Variants in MAP3K13 observed in about 807,000 individuals in gnomAD.
The protein encoded by MAP3K13 is leucine zipper-bearing kinase.
In MAP3K13, 52 loss-of-function variants were observed where a neutral mutation model predicts 104.0. That is an observed-to-expected ratio of 0.50 (90% CI 0.40 to 0.63). The LOEUF (loss-of-function observed/expected upper bound fraction) is 0.63. MAP3K13 is among the 20% of genes least tolerant of loss of function. The pLI, the probability that MAP3K13 is intolerant of heterozygous loss-of-function variation, is 0.00. For missense variants in MAP3K13, 914 were observed against 1,218.5 expected (o/e 0.75, Z 3.72); for synonymous variants, 394 against 442.2 (o/e 0.89, Z 1.37).
At chr3:185,302,818 C>A (rs1214507258) in intron 2 of MAP3K13, among the ~76,000 whole-genome samples, 2 of 152,060 alleles carry the variant, frequency 1.3e-5, no homozygotes, top group Non-Finnish European at 2.9e-5. Context: ...AATTTACATG[C>A]CTTTTATTTC....
At chr3:185,357,447 TA>T (rs71162295) in intron 2 of MAP3K13, among the ~76,000 whole-genome samples, 61,131 of 91,438 alleles carry the variant, frequency 0.67, 19,235 homozygotes, top group Middle Eastern at 0.8. Flanking sequence ...AAACTCCATC[TA>T]AAAAAAAAAA....
chr3:185,350,279 G>A (rs1029924035), intron 2 of MAP3K13, among the ~76,000 whole-genome samples: 1 of 152,152 alleles, frequency 6.6e-6, no homozygotes, highest in Non-Finnish European at 1.5e-5. Flanking sequence ...TCCGCCTCCC[G>A]GGTTCAAGCG....
intron 2 of MAP3K13, chr3:185,292,611 A>T: frequency 1.0e-6 from 1 of 973,762 alleles, no homozygotes; most frequent in East Asian, 1.1e-4. Flanking sequence ...TATAAAATGT[A>T]TAATACAGAC....
At chr3:185,320,581 T>C (rs1039453044) in intron 2 of MAP3K13, among the ~76,000 whole-genome samples, 1 of 152,154 alleles carries the variant, frequency 6.6e-6, no homozygotes, top group Non-Finnish European at 1.5e-5. Flanking sequence ...CTGACATAGG[T>C]TTCCCATGGC....
chr3:185,351,475 G>A (rs572147883), intron 2 of MAP3K13, among the ~76,000 whole-genome samples: 15 of 152,274 alleles, frequency 9.9e-5, no homozygotes, highest in African/African-American at 3.1e-4. Flanking sequence ...GGCAGTGTTA[G>A]TGGTCACTGT....
At chr3:185,387,830 A>G (rs1294945859) in intron 1 of MAP3K13, among the ~76,000 whole-genome samples, 1 of 152,116 alleles carries the variant, frequency 6.6e-6, no homozygotes, top group African/African-American at 2.4e-5. Flanking sequence ...CAAGCAAAAG[A>G]AGGAAATAAA....
intron 2 of MAP3K13, among the ~76,000 whole-genome samples, chr3:185,318,929 C>A (rs1721766238): frequency 6.6e-6 from 1 of 152,080 alleles, no homozygotes. Context: ...TGGGCTCATT[C>A]CTGATTCTAT....
intron 1 of MAP3K13, among the ~76,000 whole-genome samples, chr3:185,381,828 G>T (rs1201209321): frequency 6.6e-6 from 1 of 152,156 alleles, no homozygotes; most frequent in East Asian, 1.9e-4. Context: ...ATAAAACAAG[G>T]TTATGTATTG....
At chr3:185,355,439 C>T (rs1473271753) in intron 2 of MAP3K13, among the ~76,000 whole-genome samples, 2 of 148,268 alleles carry the variant, frequency 1.3e-5, no homozygotes, top group Non-Finnish European at 3.0e-5. Flanking sequence ...TGCACTCCAG[C>T]CTGGGTGTCA....
rs1187221258 is a variant in MAP3K13, at chr3:185,382,999, T to G, written c.-86+19631T>G. Among the ~76,000 whole-genome samples, 7 of 149,654 alleles carry G rather than the reference T, an allele frequency of 4.7e-5. No homozygotes were observed. In the East Asian group the frequency reaches 1.4e-3, roughly 30 times the overall value. ...TAGCATTAGGTATATCTCCCAATGC[T>G]ATCCCTCCCCCCTCCCCCCAACCCA... On this transcript the variant is annotated intron_variant, in intron 1 of 13. Transcript: ENST00000265026.
chr3:185,333,109 AT>A (rs1722343381), intron 2 of MAP3K13, among the ~76,000 whole-genome samples: 1 of 152,072 alleles, frequency 6.6e-6, no homozygotes, highest in African/African-American at 2.4e-5. Flanking sequence ...CAGTAATGGA[AT>A]TTTTTTCCTA....
At chr3:185,365,717 T>C (rs778028141) in intron 1 of MAP3K13, among the ~76,000 whole-genome samples, 14 of 152,056 alleles carry the variant, frequency 9.2e-5, no homozygotes, top group Non-Finnish European at 2.1e-4. Context: ...TCTGTAAGAA[T>C]ATGGGGGAGA....
At chr3:185,393,751 C>A (rs1356972795) in intron 1 of MAP3K13, among the ~76,000 whole-genome samples, 2 of 152,216 alleles carry the variant, frequency 1.3e-5, no homozygotes, top group African/African-American at 4.8e-5. Flanking sequence ...GCCACCGCGC[C>A]CAGCCGTAAA....
intron 2 of MAP3K13, chr3:185,292,547 A>G: frequency 1.7e-6 from 1 of 588,408 alleles, no homozygotes; most frequent in Non-Finnish European, 2.1e-6. Context: ...CCCCCGGCCT[A>G]CCTCACAGGG....
intron 2 of MAP3K13, among the ~76,000 whole-genome samples, chr3:185,429,590 C>T (rs1199875721): frequency 1.3e-5 from 2 of 151,916 alleles, no homozygotes; most frequent in Non-Finnish European, 2.9e-5. Context: ...TGCACTTCAG[C>T]CTGGGTGACA....
intron 2 of MAP3K13, among the ~76,000 whole-genome samples, chr3:185,331,424 G>T (rs1722276860): frequency 6.6e-6 from 1 of 151,496 alleles, no homozygotes; most frequent in Admixed American, 6.6e-5. Context: ...TTTTTAAGTA[G>T]CCACCTGGCA....
intron 1 of MAP3K13, among the ~76,000 whole-genome samples, chr3:185,377,286 A>G (rs1174751057): frequency 6.6e-6 from 1 of 152,120 alleles, no homozygotes; most frequent in Non-Finnish European, 1.5e-5. Context: ...GTGGGATGGG[A>G]TATTGGCATT....
At chr3:185,333,597 C>T (rs530174533) in intron 2 of MAP3K13, among the ~76,000 whole-genome samples, 2 of 152,076 alleles carry the variant, frequency 1.3e-5, no homozygotes, top group South Asian at 4.1e-4. Flanking sequence ...AAAATATCAC[C>T]ATTAAAAATA....
Position 185,461,938 on chromosome 3 carries a change from C to CT in MAP3K13, c.1279-1610dup, listed in dbSNP as rs541548546. Among the ~76,000 whole-genome samples the CT allele has an allele frequency of 2.6e-3, 392 of 152,112 alleles. 2 individuals carry two copies. The highest frequency in any genetic ancestry group is 0.01 in the Middle Eastern group (3 of 294). On this transcript the variant is annotated intron_variant, in intron 7 of 13. Coordinates refer to ENST00000265026, the MANE Select transcript of MAP3K13 (RefSeq NM_004721.5). ...GCAAGGATGTAGAGAAACTGGAACC[C>CT]TTATACACTGTTGGTGAGAATGCAA...
Sources: allele counts gnomAD v4.1 joint callset (sites outside exome capture counted in the v4.1 genomes callset), GRCh38; gene constraint gnomAD v4.1.1; transcripts MANE v1.5; gene names NCBI Gene and HGNC (gene_info 2026-07-23, HGNC 2026-07-21).